NIN: variants seen among roughly 807,000 people sequenced by gnomAD.
NIN encodes glycogen synthase kinase 3 beta-interacting protein.
In NIN, 137 loss-of-function variants were observed where a neutral mutation model predicts 257.6. That is an observed-to-expected ratio of 0.53 (90% confidence interval 0.46 to 0.61). The LOEUF (loss-of-function observed/expected upper bound fraction) is 0.61, where lower values mean the gene tolerates loss of function less well. Among genes scored for constraint, NIN ranks in the 20% least tolerant of loss-of-function variants. The pLI, the probability that NIN is intolerant of heterozygous loss-of-function variation, is 0.00. For synonymous variants in NIN, 918 were observed against 919.8 expected, an observed-to-expected ratio of 1.00 and a Z score of 0.04; for missense variants, 2,439 against 2,501.2, an observed-to-expected ratio of 0.98 and a Z score of 0.53.
intron 28 of NIN, among the ~76,000 whole-genome samples, chr14:50,732,714 TG>T (rs2040777426): frequency 7.5e-6 from 1 of 133,164 alleles, no homozygotes; most frequent in South Asian, 2.4e-4. Flanking sequence ...ACACTGTTTT[TG>T]TTTGTTTTTT....
intron 12 of NIN, among the ~76,000 whole-genome samples, chr14:50,768,081 A>G (rs1389663253): frequency 2.0e-5 from 3 of 151,410 alleles, no homozygotes; most frequent in African/African-American, 4.8e-5. Flanking sequence ...ACACACACAC[A>G]CACACACACA....
At chr14:50,762,856 T>A (rs1389489366) in intron 15 of NIN, among the ~76,000 whole-genome samples, 2 of 152,186 alleles carry the variant, frequency 1.3e-5, no homozygotes, top group Admixed American at 6.5e-5. Flanking sequence ...CTCTTCATAT[T>A]TGATGGCATA....
At chr14:50,786,430 G>C (rs992169891) in intron 5 of NIN, among the ~76,000 whole-genome samples, 1 of 152,168 alleles carries the variant, frequency 6.6e-6, no homozygotes, top group Non-Finnish European at 1.5e-5. Context: ...AATTCCCGCT[G>C]GGATCAAGTC....
rs145914609 is a variant in NIN, at chr14:50,733,313, G to A, written c.5877+2203C>T. Among the ~76,000 whole-genome samples the A allele has an allele frequency of 8.0e-3, 1,223 of 152,098 alleles. 22 individuals are homozygous for A. Among genetic ancestry groups the A allele is most frequent in the African/African-American group, 0.026 (1,096 of 41,482 alleles). On this transcript the variant is annotated intron_variant, in intron 28 of 30. Transcript: ENST00000530997. The stretch of plus-strand genomic sequence containing the variant: ...TCACCATGTTGGTCACGCTGGTCTC[G>A]AACTCCTGACCTTGTGAACCACCTG...
intron 5 of NIN, among the ~76,000 whole-genome samples, chr14:50,783,632 T>C (rs1270214483): frequency 1.3e-5 from 2 of 151,376 alleles, no homozygotes; most frequent in East Asian, 1.9e-4. Flanking sequence ...GAGCATTTGT[T>C]ATTAAATTGC....
In NIN at chr14:50,721,089, T is replaced by C. The variant is rs547260797; in HGVS notation, c.*2374A>G. 2 of 196,312 alleles carry C rather than the reference T, an allele frequency of 1.0e-5. No individual in the cohort carries two copies. The highest frequency in any genetic ancestry group is 4.6e-5 in the African/African-American group (2 of 43,492). The allele number at this position is 196,312 out of a possible 1,614,324, so 12.2% of individuals were successfully genotyped here. The stretch of plus-strand genomic sequence containing the variant: ...TATAAATTGCCAACTAAATTATAAA[T>C]TGCCACTCACCTTCTCAAAAATTGT... On this transcript the variant is annotated 3_prime_UTR_variant, in exon 31 of 31. Coordinates refer to ENST00000530997, the MANE Select transcript of NIN (RefSeq NM_020921.4).
At chr14:50,814,569 G>C (rs2044791730) in intron 3 of NIN, among the ~76,000 whole-genome samples, 2 of 152,130 alleles carry the variant, frequency 1.3e-5, no homozygotes, top group African/African-American at 4.8e-5. Flanking sequence ...AAAGTGGCAA[G>C]AGCTGAATAG....
At position 50,758,583 on chromosome 14, in the gene NIN, GCTT is replaced by G; in HGVS notation, c.2444_2446del (p.Glu815del). On this transcript the variant is annotated inframe_deletion, in exon 18 of 31. Transcript: ENST00000530997. ...TTTCTGACAATCAGACTGAAACTGG[GCTT>G]CTATTTGAGAGGTTCTTCTATTACA... The G allele has an allele frequency of 6.2e-7, 1 of 1,602,262 alleles. No homozygotes were observed. Among genetic ancestry groups the G allele is most frequent in the Non-Finnish European group, 8.5e-7 (1 of 1,175,570 alleles).
chr14:50,826,861 G>A (rs1338716003), intron 2 of NIN, among the ~76,000 whole-genome samples: 2 of 152,264 alleles, frequency 1.3e-5, no homozygotes, highest in Admixed American at 6.5e-5. Context: ...TGCCCCTCTC[G>A]GCTCAGCTGC....
rs755454737 is a variant in NIN at position 50,729,635 on chromosome 14, A to T, written c.5966T>A (p.Val1989Glu). 6.2e-7 allele frequency: 1 copy of T among 1,614,018 alleles called. No homozygotes were observed. The highest frequency in any genetic ancestry group is 8.5e-7 in the Non-Finnish European group (1 of 1,179,966). ...AAGCTGCAGAAACTGCTCCCTGGGC[A>T]CCATCGGACAGGCTTGCTGCTGGAG... ...QLLQQQACPM[V>E]PREQFLQLQR... The change falls in exon 29 of 31, where the codon GTG (valine) becomes GAG (glutamate). Residue 1989 changes from valine (V) to glutamate (E), a missense_variant. Physicochemically the swap from Val to Glu is moderately radical, Grantham distance 121. Around this residue, in one of 3 missense-constraint regions of NIN, gnomAD observed 2,043 missense variants for 2,050.2 expected, o/e 1.00. Transcript: ENST00000530997.
intron 4 of NIN, among the ~76,000 whole-genome samples, chr14:50,797,300 G>A (rs1005623112): frequency 7.9e-5 from 12 of 152,156 alleles, no homozygotes; most frequent in Admixed American, 6.5e-4. Context: ...AAACCCTGTC[G>A]TTAGGGTGCT....
chr14:50,754,994 G>T lies in NIN; in HGVS notation c.4539-127C>A, dbSNP rs746047765. The T allele has an allele frequency of 2.4e-4, 138 of 585,348 alleles. 1 individual carries two copies. Among genetic ancestry groups the T allele is most frequent in the Non-Finnish European group, 3.8e-4 (126 of 335,202 alleles). 36.3% of individuals were successfully genotyped at this position (585,348 alleles called of 1,614,324 possible). A position where few individuals can be genotyped will look rare whatever the true frequency, so the allele number is the denominator to read the frequency against. Reference sequence around the variant, plus strand: ...TTAAAAAGAAAAGTCTAAATTAGTAGTCTCTTAGTATTTGGAAATCGAGTT... The same window carrying T: ...TTAAAAAGAAAAGTCTAAATTAGTATTCTCTTAGTATTTGGAAATCGAGTT... On this transcript the variant is annotated intron_variant, in intron 18 of 30. Coordinates refer to ENST00000530997, the MANE Select transcript of NIN (RefSeq NM_020921.4).
At chr14:50,793,022 T>TA (rs1356960270) in intron 4 of NIN, 141 bp from the exon 5 acceptor site, 1 of 774,196 alleles carries the variant, frequency 1.3e-6, no homozygotes, top group Non-Finnish European at 2.1e-6. Context: ...GCTGTGGGTG[T>TA]ATATGAGCCA....
At chr14:50,790,306 T>C (rs182330302) in intron 5 of NIN, among the ~76,000 whole-genome samples, 1 of 152,324 alleles carries the variant, frequency 6.6e-6, no homozygotes, top group African/African-American at 2.4e-5. Context: ...TCCTCCTGCC[T>C]TGGCCTCCCA....
rs1357022040 is a variant in NIN at position 50,825,309 on chromosome 14, T to C, written c.-21-3232A>G. Among the ~76,000 whole-genome samples, 14 of 152,248 alleles carry C rather than the reference T, an allele frequency of 9.2e-5. No homozygotes were observed. The East Asian group carries it at 1.7e-3, about 19-fold the overall frequency. ...CTGAGAATGGGCAGGGAGTGTACTA[T>C]GTATATAAACATCATTATATAACTA... On this transcript the variant is annotated intron_variant, in intron 2 of 30. Coordinates refer to ENST00000530997, the MANE Select transcript of NIN (RefSeq NM_020921.4).
intron 2 of NIN, chr14:50,823,077 G>A (rs1389875463): frequency 1.4e-5 from 6 of 423,034 alleles, no homozygotes; most frequent in African/African-American, 4.1e-5. Context: ...ACTTGGAGAC[G>A]TCAATAACTG....
chr14:50,767,677 T>C (rs754692932), intron 12 of NIN, among the ~76,000 whole-genome samples: 32 of 151,806 alleles, frequency 2.1e-4, no homozygotes, highest in East Asian at 1.2e-3. Flanking sequence ...ATTAGCCAGG[T>C]GTGGTGGCGG....
chr14:50,755,829 A>C (rs931310962), intron 18 of NIN, among the ~76,000 whole-genome samples: 3 of 151,854 alleles, frequency 2.0e-5, no homozygotes, highest in Non-Finnish European at 4.4e-5. Context: ...CACGCCCAGC[A>C]AACATTTTTT....
intron 7 of NIN, among the ~76,000 whole-genome samples, chr14:50,775,424 T>C (rs1187284839): frequency 3.3e-5 from 5 of 152,194 alleles, no homozygotes; most frequent in Admixed American, 3.3e-4. Flanking sequence ...TCTCTCTACC[T>C]ATAAAATGAG....
Sources: allele counts gnomAD v4.1 joint callset (sites outside exome capture counted in the v4.1 genomes callset), GRCh38; gene constraint gnomAD v4.1.1; regional missense constraint gnomAD v4.1.1; transcripts MANE v1.5; gene names NCBI Gene and HGNC (gene_info 2026-07-23, HGNC 2026-07-21).